Variants in BCL11B observed in about 807,000 individuals in gnomAD.
BCL11B encodes BCL11 transcription factor B.
Under a neutral mutation model 49.9 loss-of-function variants are expected in BCL11B, and 8 were observed. The observed-to-expected ratio is 0.16, with a 90% CI of 0.09 to 0.29. The LOEUF is 0.29. Ranked by LOEUF, BCL11B falls within the 10% of genes least tolerant of loss-of-function variation. The pLI is 1.00. For synonymous variants in BCL11B, 739 were observed against 637.4 expected (o/e 1.16, Z -2.40); for missense variants, 1,006 against 1,351.0 (o/e 0.74, Z 4.00).
intron 1 of BCL11B, among the ~76,000 whole-genome samples, chr14:99,263,427 G>A (rs1011857518): frequency 7.2e-5 from 11 of 152,190 alleles, no homozygotes; most frequent in African/African-American, 1.4e-4. Flanking sequence ...CCAGGGTCCC[G>A]CTGACTCCGC....
At chr14:99,217,849 G>A (rs1315697982) in intron 3 of BCL11B, among the ~76,000 whole-genome samples, 1 of 152,142 alleles carries the variant, frequency 6.6e-6, no homozygotes, top group Middle Eastern at 3.2e-3. Context: ...CTGACTTGGT[G>A]ACATCATCAC....
rs1887746554 is a variant in BCL11B, at chr14:99,213,554, T to A, written c.640+17791A>T. On this transcript the variant is annotated intron_variant, in intron 3 of 3. Coordinates refer to ENST00000357195, the MANE Select transcript of BCL11B (RefSeq NM_138576.4). This position sits in a 1 kb window ranked among gnomAD's most constrained non-coding sequence, Gnocchi z 5.1. ...ATTGTCTAAGAAACACTCATTTTAC[T>A]CCACGGGCAATGGTAAGTCCTACTA... Among the ~76,000 whole-genome samples, 1 of 152,152 alleles carries A rather than the reference T, an allele frequency of 6.6e-6. No homozygotes were observed. Among genetic ancestry groups the A allele is most frequent in the Non-Finnish European group, 1.5e-5 (1 of 68,032 alleles).
chr14:99,205,202 C>T lies in BCL11B; in HGVS notation c.640+26143G>A. 6.6e-6 allele frequency among the ~76,000 whole-genome samples: 1 copy of T among 151,998 alleles called. No individual in the cohort carries two copies. Among genetic ancestry groups the T allele is most frequent in the East Asian group, 1.9e-4 (1 of 5,186 alleles). ...TGAACGAACCGAGGGCCCTCCTGGG[C>T]TGTCAAGAGAGAATTCTACAGCTGG... On this transcript the variant is annotated intron_variant, in intron 3 of 3. Transcript: ENST00000357195. The surrounding 1 kb of genome is among the most constrained non-coding windows in gnomAD (Gnocchi z 5.0).
chr14:99,245,938 G>T (rs987776168), intron 2 of BCL11B, among the ~76,000 whole-genome samples: 1 of 152,046 alleles, frequency 6.6e-6, no homozygotes, highest in Non-Finnish European at 1.5e-5. Context: ...CTGGGCTGGG[G>T]ACCGACGGGG....
In BCL11B at chr14:99,231,769, C is replaced by T. The variant is rs997765366; in HGVS notation, c.428-212G>A. ...TGGGCAGGGGGCACTGGGGAGGGCCCGGTTTCCACAGCTGCCAGGCTGGGC... is the reference window on the plus strand; with the variant it reads ...TGGGCAGGGGGCACTGGGGAGGGCCTGGTTTCCACAGCTGCCAGGCTGGGC... On this transcript the variant is annotated intron_variant, in intron 2 of 3. Transcript: ENST00000357195. This position sits in a 1 kb window ranked among gnomAD's most constrained non-coding sequence, Gnocchi z 8.1. Among the ~76,000 whole-genome samples the T allele has an allele frequency of 3.7e-4, 56 of 151,688 alleles. No homozygotes were observed. Among genetic ancestry groups the T allele is most frequent in the Non-Finnish European group, 6.2e-4 (42 of 67,830 alleles).
Position 99,175,874 on chromosome 14 carries a change from G to A in BCL11B, c.962C>T (p.Pro321Leu), listed in dbSNP as rs544228072. ...GCGGTGCGGGTCCAGGTGGTGGCGC[G>A]GCGGGGGACTGAAGAGAGGCGGCGT... ...PGTPPLFSPPPRHHLDPHRLS... is the reference protein window; with the variant it reads ...PGTPPLFSPPLRHHLDPHRLS... Residue 321 changes from proline (P) to leucine (L), a missense_variant, in exon 4 of 4, where the codon CCG becomes CTG. Coordinates refer to ENST00000357195, the MANE Select transcript of BCL11B (RefSeq NM_138576.4). 6.8e-7 allele frequency: 1 copy of A among 1,470,668 alleles called. No individual in the cohort carries two copies. The highest frequency in any genetic ancestry group is 1.5e-5 in the African/African-American group (1 of 67,438). The allele number at this position is 1,470,668 out of a possible 1,614,324, so 91.1% of individuals were successfully genotyped here. A position where few individuals can be genotyped will look rare whatever the true frequency, so the allele number is the denominator to read the frequency against.
intron 3 of BCL11B, among the ~76,000 whole-genome samples, chr14:99,226,289 A>G (rs972326808): frequency 2.0e-5 from 3 of 152,210 alleles, no homozygotes; most frequent in Non-Finnish European, 4.4e-5. Flanking sequence ...AGGGAATCCC[A>G]TGAGCATGTT....
intron 3 of BCL11B, among the ~76,000 whole-genome samples, chr14:99,218,315 C>T (rs1887913410): frequency 6.7e-6 from 1 of 149,314 alleles, no homozygotes; most frequent in Non-Finnish European, 1.5e-5. Context: ...CCCCTGACCT[C>T]GTGATCCGCC....
intron 3 of BCL11B, among the ~76,000 whole-genome samples, chr14:99,189,664 C>G (rs1452904704): frequency 6.6e-6 from 1 of 152,220 alleles, no homozygotes; most frequent in African/African-American, 2.4e-5. Context: ...CCCATTGGTT[C>G]TCCCAGGACT....
chr14:99,221,018 A>AT (rs1566816356), intron 3 of BCL11B, among the ~76,000 whole-genome samples: 1 of 151,762 alleles, frequency 6.6e-6, no homozygotes, highest in African/African-American at 2.4e-5. Flanking sequence ...GCCCAGCTAC[A>AT]TTTTTTTATA....
At position 99,174,628 on chromosome 14, in the gene BCL11B, G is replaced by C. The variant is rs752763028; in HGVS notation, c.2208C>G (p.Pro736=). 3 of 1,564,824 alleles carry C rather than the reference G, an allele frequency of 1.9e-6. No homozygotes were observed. Among genetic ancestry groups the C allele is most frequent in the Admixed American group, 3.7e-5 (2 of 54,096 alleles). The part of the protein sequence containing the change: ...FLGFTDARQS[P]FATSSEHSSE... ...ACGAGTGCTCGGACGACGTGGCGAA[G>C]GGCGACTGTCGTGCGTCCGTGAAGC... The change falls in exon 4 of 4, where the codon CCC becomes CCG. Residue 736 remains proline, a synonymous_variant. Coordinates refer to ENST00000357195, the MANE Select transcript of BCL11B (RefSeq NM_138576.4).
At chr14:99,189,777 G>A (rs1042094344) in intron 3 of BCL11B, among the ~76,000 whole-genome samples, 1 of 152,196 alleles carries the variant, frequency 6.6e-6, no homozygotes, top group Non-Finnish European at 1.5e-5. Context: ...GAGGTAGAGC[G>A]GGGGATGAGA....
Position 99,175,817 on chromosome 14 carries a change from TG to T in BCL11B, c.1018del (p.Gln340SerfsTer12). 1 of 1,473,450 alleles carries T rather than the reference TG, an allele frequency of 6.8e-7. No individual in the cohort carries two copies. The allele number at this position is 1,473,450 out of a possible 1,614,324, so 91.3% of individuals were successfully genotyped here. On this transcript the variant is annotated frameshift_variant, in exon 4 of 4. Coordinates refer to ENST00000357195, the MANE Select transcript of BCL11B (RefSeq NM_138576.4). LOFTEE classifies it high-confidence loss of function. The part of the protein sequence containing the change: ...LSAEEMGLVA[Q>X]HPSAFDRVMR... ...GACTCGGTCGAAGGCACTGGGGTGC[TG>T]GGCGACGAGCCCCATCTCCTCGGCA...
chr14:99,255,142 T>A (rs952517979), intron 2 of BCL11B, among the ~76,000 whole-genome samples: 1 of 152,160 alleles, frequency 6.6e-6, no homozygotes, highest in Non-Finnish European at 1.5e-5. Context: ...GAATGGGAAC[T>A]AGAAGGCAGG....
rs139761177 is a variant in BCL11B at position 99,248,732 on chromosome 14, GTT to G, written c.427+8737_427+8738del. 2.9e-3 allele frequency among the ~76,000 whole-genome samples: 442 copies of G among 152,322 alleles called. 3 individuals are homozygous for G. Among genetic ancestry groups the G allele is most frequent in the African/African-American group, 0.01 (426 of 41,574 alleles). Reference sequence around the variant, plus strand: ...CTCATTAATGTGAAAAATGAGGAAAGTTGGGGGAACTACTGGGTGGGAAAGGA... The same window carrying G: ...CTCATTAATGTGAAAAATGAGGAAAGGGGGGAACTACTGGGTGGGAAAGGA... On this transcript the variant is annotated intron_variant, in intron 2 of 3. Coordinates refer to ENST00000357195, the MANE Select transcript of BCL11B (RefSeq NM_138576.4). The surrounding 1 kb of genome is among the most constrained non-coding windows in gnomAD (Gnocchi z 4.7).
Position 99,205,114 on chromosome 14 carries a change from T to C in BCL11B, c.640+26231A>G, listed in dbSNP as rs1057057959. ...TTGAAAGGGAGCATAATATGATCCT[T>C]CCTTAATGGAAGCAGCTCTTTCACA... On this transcript the variant is annotated intron_variant, in intron 3 of 3. Coordinates refer to ENST00000357195, the MANE Select transcript of BCL11B (RefSeq NM_138576.4). The surrounding 1 kb of genome is among the most constrained non-coding windows in gnomAD (Gnocchi z 5.0). Among the ~76,000 whole-genome samples the C allele has an allele frequency of 2.0e-5, 3 of 151,998 alleles. No homozygotes were observed. Among genetic ancestry groups the C allele is most frequent in the Admixed American group, 1.3e-4 (2 of 15,268 alleles).
At chr14:99,177,633 C>A (rs1181645753) in intron 3 of BCL11B, among the ~76,000 whole-genome samples, 1 of 150,632 alleles carries the variant, frequency 6.6e-6, no homozygotes, top group Non-Finnish European at 1.5e-5. Flanking sequence ...CTTTTGTTTT[C>A]TCAAACTTTC....
Position 99,170,640 on chromosome 14 carries a change from G to C in BCL11B, c.*3511C>G, listed in dbSNP as rs920954640. ...AACGCAGGGGAAGGAGAGAGAACGA[G>C]ATATGGAAAGGCACCAAATTCATCC... On this transcript the variant is annotated 3_prime_UTR_variant, in exon 4 of 4. Coordinates refer to ENST00000357195, the MANE Select transcript of BCL11B (RefSeq NM_138576.4). The C allele has an allele frequency of 4.3e-6, 1 of 233,184 alleles. No homozygotes were observed. The highest frequency in any genetic ancestry group is 8.5e-6 in the Non-Finnish European group (1 of 117,794). 14.4% of individuals were successfully genotyped at this position (233,184 alleles called of 1,614,324 possible).
chr14:99,188,911 G>C (rs1413373307), intron 3 of BCL11B, among the ~76,000 whole-genome samples: 1 of 152,236 alleles, frequency 6.6e-6, no homozygotes, highest in Non-Finnish European at 1.5e-5. Flanking sequence ...TTGTCACCGA[G>C]CACAAAAGTC....
Sources: gnomAD v4.1 joint callset for allele counts (sites outside exome capture counted in the v4.1 genomes callset) on GRCh38, gnomAD v4.1.1 for gene constraint, Gnocchi (gnomAD v3.1) non-coding constraint, MANE v1.5 for transcripts, NCBI Gene and HGNC (gene_info 2026-07-23, HGNC 2026-07-21) for gene names.